PDE3A: variants seen among roughly 807,000 people sequenced by gnomAD.
The protein encoded by PDE3A is cGMP-inhibited 3',5'-cyclic phosphodiesterase 3A.
PDE3A carries 43 observed loss-of-function variants against 98.3 expected under a neutral mutation model. The ratio of observed to expected loss-of-function variants is 0.44; its 90% CI spans 0.34 to 0.56. PDE3A has a LOEUF of 0.56. Ranked by LOEUF, PDE3A falls within the 20% of genes least tolerant of loss-of-function variation. The pLI, the probability that PDE3A is intolerant of heterozygous loss-of-function variation, is 0.01. For synonymous variants in PDE3A, 663 were observed against 567.9 expected (o/e 1.17, Z -2.38); for missense variants, 1,427 against 1,440.7 (o/e 0.99, Z 0.15).
At chr12:20,422,362 G>T (rs1944533165) in intron 1 of PDE3A, among the ~76,000 whole-genome samples, 1 of 151,952 alleles carries the variant, frequency 6.6e-6, no homozygotes. Flanking sequence ...AAAAATTTAG[G>T]GTGGCACTAA....
intron 1 of PDE3A, among the ~76,000 whole-genome samples, chr12:20,412,271 A>G (rs1944347395): frequency 1.3e-5 from 2 of 152,214 alleles, no homozygotes; most frequent in South Asian, 2.1e-4. Context: ...ATAGTACATG[A>G]TGGAATAAAT....
At chr12:20,442,542 C>T (rs1944886745) in intron 1 of PDE3A, among the ~76,000 whole-genome samples, 1 of 152,178 alleles carries the variant, frequency 6.6e-6, no homozygotes, top group South Asian at 2.1e-4. Context: ...ATGGCCTCAC[C>T]AAATGTCAAG....
chr12:20,535,149 C>G (rs1156919827), intron 1 of PDE3A, among the ~76,000 whole-genome samples: 6 of 152,164 alleles, frequency 3.9e-5, no homozygotes, highest in African/African-American at 1.4e-4. Context: ...GATGTCTCCT[C>G]TTGCCTTTAA....
At chr12:20,668,378 G>A (rs1309062843) in intron 15 of PDE3A, among the ~76,000 whole-genome samples, 1 of 150,508 alleles carries the variant, frequency 6.6e-6, no homozygotes, top group African/African-American at 2.5e-5. Context: ...GCCTCTGTAG[G>A]CTCCACCTCT....
chr12:20,475,037 A>G (rs574980081), intron 1 of PDE3A, among the ~76,000 whole-genome samples: 107 of 152,212 alleles, frequency 7.0e-4, no homozygotes, highest in East Asian at 3.1e-3. Flanking sequence ...GATTAGCCCA[A>G]TTTTGTAAGT....
chr12:20,376,296 A>C (rs932661748), intron 1 of PDE3A, among the ~76,000 whole-genome samples: 2 of 151,918 alleles, frequency 1.3e-5, no homozygotes, highest in Non-Finnish European at 2.9e-5. Flanking sequence ...GCCCAAGGCA[A>C]GATGGCTTTT....
chr12:20,493,149 T>C (rs1189092736), intron 1 of PDE3A, among the ~76,000 whole-genome samples: 1 of 152,206 alleles, frequency 6.6e-6, no homozygotes, highest in Non-Finnish European at 1.5e-5. Flanking sequence ...TAACACTTTA[T>C]AGATTAATTC....
chr12:20,613,564 G>A lies in PDE3A; in HGVS notation c.1133G>A (p.Ser378Asn), dbSNP rs377623277. 2.7e-5 allele frequency: 43 copies of A among 1,614,030 alleles called. No individual in the cohort carries two copies. Among genetic ancestry groups the A allele is most frequent in the Non-Finnish European group, 3.4e-5 (40 of 1,180,022 alleles). ...PNVCTSLRAVSNLLSTQLTFQ... is the reference protein window; with the variant it reads ...PNVCTSLRAVNNLLSTQLTFQ... ...GTGTGCACATCCTTGAGAGCCGTGA[G>A]CAACTTGCTCAGCACACAGCTCACC... Residue 378 changes from serine (S) to asparagine (N), a missense_variant, in exon 3 of 16, where the codon AGC becomes AAC. Coordinates refer to ENST00000359062, the MANE Select transcript of PDE3A (RefSeq NM_000921.5).
rs889480428 is a variant in PDE3A, at chr12:20,562,252, G to A, written c.1011+5542G>A. On this transcript the variant is annotated intron_variant, in intron 2 of 15. Coordinates refer to ENST00000359062, the MANE Select transcript of PDE3A (RefSeq NM_000921.5). ...TTTTTTTTTTTTGGAGACGGAGTCCGGCTCCGTGCCCAGGCTGGCGTGCAG... is the reference window on the plus strand; with the variant it reads ...TTTTTTTTTTTTGGAGACGGAGTCCAGCTCCGTGCCCAGGCTGGCGTGCAG... Among the ~76,000 whole-genome samples, 17 of 140,094 alleles carry A rather than the reference G, an allele frequency of 1.2e-4. No homozygotes were observed. The South Asian group carries it at 2.1e-3, about 17-fold the overall frequency. 91.9% of individuals were successfully genotyped at this position (140,094 alleles called of 152,430 possible).
At position 20,422,747 on chromosome 12, in the gene PDE3A, TA is replaced by T. The variant is rs1180501590; in HGVS notation, c.960+52506del. Among the ~76,000 whole-genome samples, 3 of 152,324 alleles carry T rather than the reference TA, an allele frequency of 2.0e-5. No homozygotes were observed. The East Asian group carries it at 5.8e-4, about 29-fold the overall frequency. Reference sequence around the variant, plus strand: ...AAATTTTGTTAAACAGCCCCAAAGGTAAATATGAATATTTTTATATTTTTAG... The same window carrying T: ...AAATTTTGTTAAACAGCCCCAAAGGTAATATGAATATTTTTATATTTTTAG... On this transcript the variant is annotated intron_variant, in intron 1 of 15. Transcript: ENST00000359062.
chr12:20,426,205 A>T lies in PDE3A; in HGVS notation c.960+55961A>T, dbSNP rs146493235. 3.3e-4 allele frequency among the ~76,000 whole-genome samples: 50 copies of T among 152,292 alleles called. 2 individuals carry two copies. In the East Asian group the frequency reaches 7.9e-3, roughly 24 times the overall value. ...TATCTCACATATTTATCCCTCATTC[A>T]GGCAACTACACATCTGAGTTCTCTG... On this transcript the variant is annotated intron_variant, in intron 1 of 15. Transcript: ENST00000359062.
At position 20,442,063 on chromosome 12, in the gene PDE3A, C is replaced by G. The variant is rs1018816336; in HGVS notation, c.960+71819C>G. ...TCCATCTATTCTGCTCTGCTTTTCT[C>G]ATTTCTTGTGAAATATTGAACTGCT... On this transcript the variant is annotated intron_variant, in intron 1 of 15. Transcript: ENST00000359062. 5.3e-5 allele frequency among the ~76,000 whole-genome samples: 8 copies of G among 152,270 alleles called. No individual in the cohort carries two copies. The East Asian group carries it at 1.2e-3, about 22-fold the overall frequency.
intron 2 of PDE3A, among the ~76,000 whole-genome samples, chr12:20,588,805 G>A (rs4265637): frequency 0.032 from 4,874 of 152,250 alleles, 103 homozygotes; most frequent in Middle Eastern, 0.048. Flanking sequence ...CACATTCTCA[G>A]GCCAGGCTGA....
intron 1 of PDE3A, chr12:20,551,897 G>A: frequency 6.2e-7 from 1 of 1,613,482 alleles, no homozygotes; most frequent in Non-Finnish European, 8.5e-7. Flanking sequence ...CCCATCCCGG[G>A]GATCCCCGTG....
intron 1 of PDE3A, among the ~76,000 whole-genome samples, chr12:20,414,787 T>A (rs1944394767): frequency 6.6e-6 from 1 of 152,212 alleles, no homozygotes. Context: ...AACAATTATA[T>A]TGAATTATTG....
intron 2 of PDE3A, among the ~76,000 whole-genome samples, chr12:20,577,483 C>G (rs1164140363): frequency 2.6e-5 from 4 of 152,196 alleles, no homozygotes; most frequent in African/African-American, 9.6e-5. Context: ...AATATCAACA[C>G]ACATTAAACT....
intron 1 of PDE3A, among the ~76,000 whole-genome samples, chr12:20,533,489 T>C (rs1014576319): frequency 6.6e-6 from 1 of 150,448 alleles, no homozygotes; most frequent in African/African-American, 2.4e-5. Context: ...TTTTTTTTTT[T>C]TTTTTGTTTT....
intron 1 of PDE3A, among the ~76,000 whole-genome samples, chr12:20,549,098 C>G (rs1942132421): frequency 6.6e-6 from 1 of 151,882 alleles, no homozygotes; most frequent in Non-Finnish European, 1.5e-5. Context: ...TTTAAATAAT[C>G]TGTAATATTA....
intron 1 of PDE3A, among the ~76,000 whole-genome samples, chr12:20,451,061 T>G (rs1048996691): frequency 1.3e-5 from 2 of 152,198 alleles, no homozygotes; most frequent in African/African-American, 4.8e-5. Flanking sequence ...TTAAATCTAG[T>G]AGTTACCTTT....
Sources: gnomAD v4.1 joint callset for allele counts (sites outside exome capture counted in the v4.1 genomes callset) on GRCh38, gnomAD v4.1.1 for gene constraint, MANE v1.5 for transcripts, NCBI Gene and HGNC (gene_info 2026-07-23, HGNC 2026-07-21) for gene names.